SORCS2: variants seen among roughly 807,000 people sequenced by gnomAD.
SORCS2 encodes the protein VPS10 domain-containing receptor SorCS2.
In SORCS2, 100 loss-of-function variants were observed where a neutral mutation model predicts 141.6. The ratio of observed to expected loss-of-function variants is 0.71; its 90% CI spans 0.60 to 0.83. The LOEUF is 0.83. Among genes scored for constraint, SORCS2 ranks in the 40% least tolerant of loss-of-function variants. SORCS2 has a pLI of 0.00. For synonymous variants in SORCS2, 789 were observed against 676.9 expected, an observed-to-expected ratio of 1.17 and a Z score of -2.57; for missense variants, 1,646 against 1,560.2, an observed-to-expected ratio of 1.05 and a Z score of -0.93.
intron 1 of SORCS2, among the ~76,000 whole-genome samples, chr4:7,293,730 T>A (rs1213738675): frequency 6.6e-6 from 1 of 152,152 alleles, no homozygotes; most frequent in Non-Finnish European, 1.5e-5. Context: ...ATGCAGAAGG[T>A]GTCTCAGTGC....
chr4:7,373,739 G>A (rs542858844), intron 1 of SORCS2, among the ~76,000 whole-genome samples: 27 of 151,492 alleles, frequency 1.8e-4, no homozygotes, highest in South Asian at 8.4e-4. Context: ...TGATCCACCC[G>A]CCTCGGCCTC....
intron 1 of SORCS2, among the ~76,000 whole-genome samples, chr4:7,310,700 C>G (rs919624955): frequency 6.6e-6 from 1 of 152,222 alleles, no homozygotes; most frequent in Non-Finnish European, 1.5e-5. Flanking sequence ...GCTGAGTCTG[C>G]AGAGTCTTCC....
chr4:7,372,609 G>A (rs1722331474), intron 1 of SORCS2, among the ~76,000 whole-genome samples: 1 of 152,120 alleles, frequency 6.6e-6, no homozygotes, highest in South Asian at 2.1e-4. Context: ...CGCCCAGCCT[G>A]AAATTCACTT....
At chr4:7,388,951 C>T (rs1723677041) in intron 1 of SORCS2, among the ~76,000 whole-genome samples, 1 of 152,208 alleles carries the variant, frequency 6.6e-6, no homozygotes, top group Admixed American at 6.5e-5. Context: ...TCCCTCATTT[C>T]CCATGCACAG....
intron 1 of SORCS2, among the ~76,000 whole-genome samples, chr4:7,323,440 C>T (rs1277133990): frequency 1.3e-5 from 2 of 152,146 alleles, no homozygotes; most frequent in Non-Finnish European, 2.9e-5. Flanking sequence ...GCCCTGCTGG[C>T]CTAAGGAACC....
At chr4:7,707,878 C>T (rs1202648100) in intron 14 of SORCS2, among the ~76,000 whole-genome samples, 1 of 152,156 alleles carries the variant, frequency 6.6e-6, no homozygotes, top group Non-Finnish European at 1.5e-5. Context: ...GAGCTGGGCC[C>T]ATCACCCCCA....
intron 22 of SORCS2, among the ~76,000 whole-genome samples, 179 bp from the exon 23 acceptor site, chr4:7,729,408 G>A (rs556412715): frequency 2.4e-4 from 36 of 152,210 alleles, no homozygotes; most frequent in African/African-American, 6.3e-4. Flanking sequence ...GCTGGGTGCA[G>A]GGGGTAGCTC....
At chr4:7,260,789 G>A (rs578113696) in intron 1 of SORCS2, among the ~76,000 whole-genome samples, 31 of 152,302 alleles carry the variant, frequency 2.0e-4, no homozygotes, top group South Asian at 1.9e-3. Flanking sequence ...GCCCACTAGC[G>A]CTGGAGACAC....
At chr4:7,369,646 G>T (rs1577456283) in intron 1 of SORCS2, among the ~76,000 whole-genome samples, 1 of 152,172 alleles carries the variant, frequency 6.6e-6, no homozygotes, top group East Asian at 1.9e-4. Context: ...CTCGGGGAGT[G>T]GCCTGGCCCC....
At chr4:7,607,633 G>C (rs956866182) in intron 3 of SORCS2, among the ~76,000 whole-genome samples, 1 of 152,206 alleles carries the variant, frequency 6.6e-6, no homozygotes, top group Non-Finnish European at 1.5e-5. Flanking sequence ...TTTCCCCAAG[G>C]CAACTGCATC....
intron 1 of SORCS2, among the ~76,000 whole-genome samples, chr4:7,278,136 C>T (rs921853965): frequency 2.0e-5 from 3 of 152,188 alleles, no homozygotes; most frequent in Non-Finnish European, 4.4e-5. Flanking sequence ...CCCTCTTATT[C>T]ATCTACAGCC....
intron 4 of SORCS2, among the ~76,000 whole-genome samples, chr4:7,645,103 A>G (rs1720986843): frequency 6.6e-6 from 1 of 152,220 alleles, no homozygotes; most frequent in South Asian, 2.1e-4. Flanking sequence ...TGGAGGCTTT[A>G]TTACCTTGCT....
At chr4:7,498,131 CTG>C (rs931042655) in intron 2 of SORCS2, among the ~76,000 whole-genome samples, 53 of 152,180 alleles carry the variant, frequency 3.5e-4, no homozygotes, top group African/African-American at 1.3e-3. Flanking sequence ...CAGGATGAGT[CTG>C]GAGTCCTGGA....
At chr4:7,693,842 T>C (rs1174521367) in intron 11 of SORCS2, among the ~76,000 whole-genome samples, 5 of 152,204 alleles carry the variant, frequency 3.3e-5, no homozygotes, top group African/African-American at 4.8e-5. Flanking sequence ...AGGACATGTC[T>C]AGATGTGAGG....
chr4:7,693,121 C>G (rs1724364645), intron 11 of SORCS2, among the ~76,000 whole-genome samples: 1 of 152,176 alleles, frequency 6.6e-6, no homozygotes, highest in Admixed American at 6.5e-5. Context: ...ACGGCTGGCT[C>G]CCTTCTGAGT....
chr4:7,425,575 T>C (rs1296472150), intron 2 of SORCS2, among the ~76,000 whole-genome samples: 1 of 152,200 alleles, frequency 6.6e-6, no homozygotes, highest in Non-Finnish European at 1.5e-5. Flanking sequence ...TTCCTTGGTC[T>C]CACAGAGAAA....
intron 4 of SORCS2, among the ~76,000 whole-genome samples, chr4:7,640,127 G>A (rs183481500): frequency 0.017 from 2,522 of 150,890 alleles, 72 homozygotes; most frequent in African/African-American, 0.057. Flanking sequence ...CTATGTTAGC[G>A]AGTGTGAGTG....
intron 3 of SORCS2, among the ~76,000 whole-genome samples, chr4:7,620,813 T>C (rs1489255702): frequency 1.3e-5 from 2 of 152,104 alleles, no homozygotes; most frequent in Non-Finnish European, 2.9e-5. Flanking sequence ...GGTCTCACGG[T>C]GGGGGGTCTC....
chr4:7,734,188 G>A, intron 24 of SORCS2, 84 bp from the exon 25 acceptor site: 1 of 1,013,530 alleles, frequency 9.9e-7, no homozygotes, highest in Non-Finnish European at 1.5e-6. Flanking sequence ...CTGGGGACGG[G>A]TGGGGGACAG....
Sources: gnomAD v4.1 joint callset for allele counts (sites outside exome capture counted in the v4.1 genomes callset) on GRCh38, gnomAD v4.1.1 for gene constraint, MANE v1.5 for transcripts, NCBI Gene and HGNC (gene_info 2026-07-23, HGNC 2026-07-21) for gene names.